Variants in ETFA observed in about 807,000 individuals in gnomAD.
ETFA encodes the protein electron transfer flavoprotein subunit alpha, mitochondrial.
ETFA carries 22 observed loss-of-function variants against 46.2 expected under a neutral mutation model. The observed-to-expected ratio is 0.48, with a 90% CI of 0.34 to 0.68. The LOEUF is 0.68. Among genes scored for constraint, ETFA ranks in the 30% least tolerant of loss-of-function variants. ETFA has a pLI of 0.01. For synonymous variants in ETFA, 131 were observed against 139.9 expected, an observed-to-expected ratio of 0.94 and a Z score of 0.45; for missense variants, 345 against 401.1, an observed-to-expected ratio of 0.86 and a Z score of 1.19.
At chr15:76,260,546 T>C (rs1429940078) in intron 9 of ETFA, 3 of 1,481,362 alleles carry the variant, frequency 2.0e-6, no homozygotes, top group Non-Finnish European at 2.8e-6. Flanking sequence ...TCAGGCCCTT[T>C]TGGGGATCCC....
chr15:76,236,225 C>T (rs1034486474), intron 9 of ETFA, among the ~76,000 whole-genome samples: 4 of 152,188 alleles, frequency 2.6e-5, no homozygotes, highest in Non-Finnish European at 5.9e-5. Context: ...ATTGCATTTT[C>T]GCTCATCACT....
intron 9 of ETFA, among the ~76,000 whole-genome samples, chr15:76,251,091 G>C (rs553128351): frequency 1.3e-5 from 2 of 152,108 alleles, no homozygotes; most frequent in Non-Finnish European, 2.9e-5. Flanking sequence ...AGCCTAGCAA[G>C]AGAGGTGAAA....
intron 9 of ETFA, among the ~76,000 whole-genome samples, chr15:76,271,355 C>A (rs1462648462): frequency 6.6e-6 from 1 of 151,942 alleles, no homozygotes; most frequent in Non-Finnish European, 1.5e-5. Flanking sequence ...AATTGTATAC[C>A]ATCTGATAGG....
chr15:76,270,354 C>A (rs1010671274), intron 9 of ETFA, among the ~76,000 whole-genome samples: 1 of 152,046 alleles, frequency 6.6e-6, no homozygotes, highest in African/African-American at 2.4e-5. Context: ...CAAAATTAAC[C>A]CTGTGGTATG....
At chr15:76,262,474 C>CTA (rs2039425486) in intron 9 of ETFA, among the ~76,000 whole-genome samples, 3 of 84,688 alleles carry the variant, frequency 3.5e-5, no homozygotes, top group Admixed American at 1.9e-4. Flanking sequence ...ATCAAACCCC[C>CTA]TTTTTTTTTT....
chr15:76,225,790 T>G, intron 11 of ETFA, 59 bp downstream of exon 11: 1 of 1,050,198 alleles, frequency 9.5e-7, no homozygotes, highest in Non-Finnish European at 1.5e-6. Context: ...CCTAACCATT[T>G]CTGAGAGTTT....
intron 1 of ETFA, 109 bp from the exon 2 acceptor site, chr15:76,295,846 A>G: frequency 5.5e-6 from 4 of 727,074 alleles, no homozygotes; most frequent in Non-Finnish European, 8.9e-6. Flanking sequence ...ACTATTCTGT[A>G]CACAATATTA....
intron 9 of ETFA, among the ~76,000 whole-genome samples, chr15:76,257,940 G>A (rs1259517293): frequency 2.1e-5 from 3 of 145,488 alleles, no homozygotes; most frequent in Admixed American, 7.2e-5. Context: ...AACAACGCAT[G>A]TTCTCACTCA....
intron 1 of ETFA, among the ~76,000 whole-genome samples, chr15:76,306,853 C>T (rs1275155166): frequency 6.6e-6 from 1 of 152,158 alleles, no homozygotes; most frequent in Non-Finnish European, 1.5e-5. Flanking sequence ...TCTTAGTAGA[C>T]ACATTGGCAG....
intron 9 of ETFA, among the ~76,000 whole-genome samples, chr15:76,253,883 C>T (rs1195762276): frequency 3.3e-5 from 5 of 152,224 alleles, no homozygotes; most frequent in Non-Finnish European, 7.3e-5. Context: ...AATTCTGGGC[C>T]TCAGGACTCT....
chr15:76,235,326 G>A (rs2039112296), intron 9 of ETFA, among the ~76,000 whole-genome samples: 1 of 152,162 alleles, frequency 6.6e-6, no homozygotes, highest in African/African-American at 2.4e-5. Context: ...TGAGCAGGCT[G>A]CACACTGAAT....
chr15:76,304,848 T>G (rs970530977), intron 1 of ETFA, among the ~76,000 whole-genome samples: 2 of 151,872 alleles, frequency 1.3e-5, no homozygotes, highest in African/African-American at 2.4e-5. Context: ...AGCGAGACCA[T>G]CCTGGCTAAC....
At chr15:76,237,297 C>T (rs1368138667) in intron 9 of ETFA, among the ~76,000 whole-genome samples, 3 of 152,190 alleles carry the variant, frequency 2.0e-5, no homozygotes, top group Admixed American at 2.0e-4. Context: ...AGGTGATCCA[C>T]CCACCTCGGC....
rs141166573 is a variant in ETFA at position 76,295,090 on chromosome 15, A to G, written c.186+501T>C. 5.6e-3 allele frequency among the ~76,000 whole-genome samples: 854 copies of G among 152,292 alleles called. 3 individuals carry two copies. The highest frequency in any genetic ancestry group is 8.8e-3 in the Non-Finnish European group (600 of 68,020). On this transcript the variant is annotated intron_variant, in intron 2 of 11. Transcript: ENST00000557943. ...AGGGTTAGTGTTCCAAGCTGTTATCATCTGATTTCAACAATAACAACAACA... is the reference window on the plus strand; with the variant it reads ...AGGGTTAGTGTTCCAAGCTGTTATCGTCTGATTTCAACAATAACAACAACA...
In ETFA at chr15:76,249,435, ATTTTTTT is replaced by A. The variant is rs375408996; in HGVS notation, c.817-18044_817-18038del. ...GAACCACCACGCCCAGTCCATGGTAATTTTTTTTTTTTTTTTTTTTTTTTTAGATGGA... is the reference window on the plus strand; with the variant it reads ...GAACCACCACGCCCAGTCCATGGTAATTTTTTTTTTTTTTTTTTAGATGGA... On this transcript the variant is annotated intron_variant, in intron 9 of 11. Coordinates refer to ENST00000557943, the MANE Select transcript of ETFA (RefSeq NM_000126.4). 1.9e-4 allele frequency among the ~76,000 whole-genome samples: 14 copies of A among 74,808 alleles called. 1 individual carries two copies. Among genetic ancestry groups the A allele is most frequent in the Non-Finnish European group, 3.1e-4 (12 of 38,834 alleles). The allele number at this position is 74,808 out of a possible 152,430, so 49.1% of individuals were successfully genotyped here. A position where few individuals can be genotyped will look rare whatever the true frequency, so the allele number is the denominator to read the frequency against.
chr15:76,227,209 G>T lies in ETFA; in HGVS notation c.883-1280C>A, dbSNP rs1037160254. On this transcript the variant is annotated intron_variant, in intron 10 of 11. Transcript: ENST00000557943. ...GCCCAGGCGTTCAAGACCAGCCTGC[G>T]CAACACAGGGAGACCCCATCTCTAC... 2.0e-5 allele frequency among the ~76,000 whole-genome samples: 3 copies of T among 152,062 alleles called. No homozygotes were observed. In the South Asian group the frequency reaches 6.2e-4, roughly 32 times the overall value.
intron 7 of ETFA, chr15:76,284,219 A>G: frequency 5.6e-6 from 1 of 179,462 alleles, no homozygotes; most frequent in Non-Finnish European, 1.2e-5. Context: ...CAAGGACTTT[A>G]AACTCCTCGA....
At chr15:76,298,409 T>TG (rs1373284349) in intron 1 of ETFA, among the ~76,000 whole-genome samples, 2 of 152,280 alleles carry the variant, frequency 1.3e-5, no homozygotes, top group Admixed American at 1.3e-4. Context: ...AGCCACCACA[T>TG]GGGATAAGGT....
intron 11 of ETFA, among the ~76,000 whole-genome samples, chr15:76,223,970 G>C (rs1407378595): frequency 1.3e-5 from 2 of 152,116 alleles, no homozygotes; most frequent in Non-Finnish European, 2.9e-5. Flanking sequence ...ATAGTACACA[G>C]GCAGACAGAA....
Sources: allele counts gnomAD v4.1 joint callset (sites outside exome capture counted in the v4.1 genomes callset), GRCh38; gene constraint gnomAD v4.1.1; transcripts MANE v1.5; gene names NCBI Gene and HGNC (gene_info 2026-07-23, HGNC 2026-07-21).